Variants in MCC observed in about 807,000 individuals in gnomAD.
MCC encodes colorectal mutant cancer protein.
In MCC, 90 loss-of-function variants were observed where a neutral mutation model predicts 116.2. That is an observed-to-expected ratio of 0.77 (90% CI 0.65 to 0.92). The LOEUF (loss-of-function observed/expected upper bound fraction) is 0.92, where lower values mean the gene tolerates loss of function less well. MCC is among the 40% of genes least tolerant of loss of function. MCC has a pLI of 0.00. For missense variants in MCC, 1,516 were observed against 1,312.2 expected, an observed-to-expected ratio of 1.16 and a Z score of -2.40; for synonymous variants, 578 against 510.5, an observed-to-expected ratio of 1.13 and a Z score of -1.78.
chr5:113,352,295 G>A (rs547469159), intron 2 of MCC, among the ~76,000 whole-genome samples: 2 of 152,250 alleles, frequency 1.3e-5, no homozygotes, highest in East Asian at 3.9e-4. Flanking sequence ...GCCCTTTGAA[G>A]CATGATGGTA....
At chr5:113,240,020 T>G (rs1185126818) in intron 3 of MCC, among the ~76,000 whole-genome samples, 1 of 152,320 alleles carries the variant, frequency 6.6e-6, no homozygotes, top group East Asian at 1.9e-4. Flanking sequence ...TTTTGAAAAG[T>G]CCAAATTACC....
chr5:113,028,943 C>T lies in MCC; in HGVS notation c.2870G>A (p.Arg957Gln), dbSNP rs757628854. The change falls in exon 18 of 19, where the codon CGG (arginine) becomes CAG (glutamine). Residue 957 changes from arginine (R) to glutamine (Q), a missense_variant. Coordinates refer to ENST00000408903, the MANE Select transcript of MCC (RefSeq NM_001085377.2). Reference sequence around the variant, plus strand: ...ATAGGGAGATTTTTACCTGTTGGCCCGCTTTAGATCATTCACGAACTCTGC... The same window carrying T: ...ATAGGGAGATTTTTACCTGTTGGCCTGCTTTAGATCATTCACGAACTCTGC... The part of the protein sequence containing the change: ...QSAEFVNDLK[R>Q]ANSNLVAAYE... 3.5e-5 allele frequency: 56 copies of T among 1,612,734 alleles called. No individual in the cohort carries two copies. The highest frequency in any genetic ancestry group is 1.7e-4 in the Admixed American group (10 of 59,858).
intron 8 of MCC, among the ~76,000 whole-genome samples, chr5:113,087,168 A>G (rs1199773703): frequency 1.3e-5 from 2 of 152,252 alleles, no homozygotes; most frequent in African/African-American, 2.4e-5. Flanking sequence ...TTAAATGTCT[A>G]GGATGTCTCC....
At chr5:113,424,357 T>C (rs1215205953) in intron 1 of MCC, among the ~76,000 whole-genome samples, 1 of 152,078 alleles carries the variant, frequency 6.6e-6, no homozygotes, top group Non-Finnish European at 1.5e-5. Flanking sequence ...CAAAAACCTA[T>C]CATGGACATC....
chr5:113,256,470 T>C (rs989107680), intron 3 of MCC, among the ~76,000 whole-genome samples: 1 of 152,148 alleles, frequency 6.6e-6, no homozygotes, highest in Non-Finnish European at 1.5e-5. Context: ...TACTGAGTTT[T>C]AGAAAAAATA....
intron 3 of MCC, among the ~76,000 whole-genome samples, chr5:113,271,621 C>T (rs1765621213): frequency 6.6e-6 from 1 of 152,182 alleles, no homozygotes; most frequent in Admixed American, 6.5e-5. Flanking sequence ...GTGTTCCCCA[C>T]ATTGGGAATG....
At chr5:113,049,064 A>C (rs750366069) in intron 16 of MCC, 29 bp downstream of exon 16, 1 of 1,610,686 alleles carries the variant, frequency 6.2e-7, no homozygotes, top group African/African-American at 1.3e-5. Context: ...ACTGAGCCTA[A>C]GGGTGTCCCC....
intron 3 of MCC, among the ~76,000 whole-genome samples, chr5:113,313,306 C>T (rs1305533385): frequency 6.6e-6 from 1 of 152,140 alleles, no homozygotes; most frequent in Non-Finnish European, 1.5e-5. Flanking sequence ...AAGATGGCAC[C>T]ACTGCACTCC....
chr5:113,375,938 C>T (rs1005476672), intron 2 of MCC, among the ~76,000 whole-genome samples: 1 of 152,182 alleles, frequency 6.6e-6, no homozygotes, highest in Non-Finnish European at 1.5e-5. Flanking sequence ...CAATCAGCCA[C>T]ATCACACATT....
chr5:113,419,241 G>A (rs918597125), intron 1 of MCC, among the ~76,000 whole-genome samples: 2 of 151,150 alleles, frequency 1.3e-5, no homozygotes, highest in African/African-American at 4.9e-5. Context: ...CGCTATCATA[G>A]CTCACTTCAG....
intron 2 of MCC, among the ~76,000 whole-genome samples, chr5:113,379,741 T>C (rs921964111): frequency 6.6e-6 from 1 of 152,224 alleles, no homozygotes; most frequent in African/African-American, 2.4e-5. Flanking sequence ...AAATCTGTTA[T>C]GACGTGTTTG....
intron 6 of MCC, among the ~76,000 whole-genome samples, chr5:113,106,771 A>T (rs1370816501): frequency 6.6e-6 from 1 of 152,152 alleles, no homozygotes; most frequent in Non-Finnish European, 1.5e-5. Context: ...TGCCTGTCTC[A>T]AACTTTTGGC....
At chr5:113,065,404 G>C (rs1753533826) in intron 13 of MCC, among the ~76,000 whole-genome samples, 1 of 152,192 alleles carries the variant, frequency 6.6e-6, no homozygotes, top group South Asian at 2.1e-4. Context: ...CAGAAACTGT[G>C]CTGGCTGAAC....
chr5:113,396,437 C>G (rs967585684), intron 1 of MCC, among the ~76,000 whole-genome samples: 1 of 151,346 alleles, frequency 6.6e-6, no homozygotes, highest in African/African-American at 2.4e-5. Context: ...TCAAGACCAG[C>G]CTGGCCAACA....
intron 3 of MCC, among the ~76,000 whole-genome samples, chr5:113,327,534 A>G (rs1767589339): frequency 8.0e-6 from 1 of 125,528 alleles, no homozygotes; most frequent in Non-Finnish European, 1.6e-5. Context: ...TGACAGAGTA[A>G]GACTCAGTCT....
intron 12 of MCC, among the ~76,000 whole-genome samples, chr5:113,069,905 T>A (rs376728721): frequency 6.6e-6 from 1 of 152,226 alleles, no homozygotes; most frequent in African/African-American, 2.4e-5. Flanking sequence ...TTTATTTTCA[T>A]TGTCCTTTAC....
rs573641345 is a variant in MCC at position 113,066,694 on chromosome 5, G to A, written c.2029+1386C>T. Among the ~76,000 whole-genome samples, 57 of 152,348 alleles carry A rather than the reference G, an allele frequency of 3.7e-4. No homozygotes were observed. In the South Asian group the frequency reaches 0.011, roughly 29 times the overall value. ...TGCAAAAGTGAGCCCCCAGACAAAGGGGGAGGAGCGGGGAAGAAGGACAGG... is the reference window on the plus strand; with the variant it reads ...TGCAAAAGTGAGCCCCCAGACAAAGAGGGAGGAGCGGGGAAGAAGGACAGG... On this transcript the variant is annotated intron_variant, in intron 13 of 18. Coordinates refer to ENST00000408903, the MANE Select transcript of MCC (RefSeq NM_001085377.2).
intron 2 of MCC, among the ~76,000 whole-genome samples, chr5:113,343,820 A>G (rs1414011567): frequency 6.6e-6 from 1 of 152,228 alleles, no homozygotes; most frequent in Non-Finnish European, 1.5e-5. Flanking sequence ...TTATGCAAAC[A>G]TGAAGCCTCA....
intron 8 of MCC, among the ~76,000 whole-genome samples, chr5:113,095,496 G>C (rs1341626458): frequency 1.3e-5 from 2 of 152,090 alleles, no homozygotes; most frequent in African/African-American, 4.8e-5. Context: ...TATGTTCTGG[G>C]CTATTATCAT....
Sources: gnomAD v4.1 joint callset for allele counts (sites outside exome capture counted in the v4.1 genomes callset) on GRCh38, gnomAD v4.1.1 for gene constraint, MANE v1.5 for transcripts, NCBI Gene and HGNC (gene_info 2026-07-23, HGNC 2026-07-21) for gene names.